The following ARL15 variants were observed in gnomAD, a reference collection of about 807,000 sequenced individuals.
ARL15 encodes ADP-ribosylation factor-like protein 15.
In ARL15, 19 loss-of-function variants were observed where a neutral mutation model predicts 25.2. That is an observed-to-expected ratio of 0.75 (90% confidence interval 0.53 to 1.10). The LOEUF (loss-of-function observed/expected upper bound fraction) is 1.10. Ranked by LOEUF, ARL15 falls within the 50% of genes least tolerant of loss-of-function variation. The pLI is 0.00. For missense variants in ARL15, 220 were observed against 246.0 expected, an observed-to-expected ratio of 0.89 and a Z score of 0.71; for synonymous variants, 94 against 86.8, an observed-to-expected ratio of 1.08 and a Z score of -0.46.
intron 4 of ARL15, among the ~76,000 whole-genome samples, chr5:53,953,360 T>C (rs1747041412): frequency 6.6e-6 from 1 of 152,210 alleles, no homozygotes; most frequent in Admixed American, 6.5e-5. Context: ...TGTTATTTAG[T>C]AGGGAGCTCA....
chr5:54,259,800 T>G (rs1314024091), intron 1 of ARL15, among the ~76,000 whole-genome samples: 4 of 152,226 alleles, frequency 2.6e-5, no homozygotes, highest in Non-Finnish European at 4.4e-5. Flanking sequence ...AGCAAAATTA[T>G]AACATTGCTT....
rs549180355 is a variant in ARL15, at chr5:54,308,088, A to G, written c.48+2344T>C. 3.3e-5 allele frequency: 5 copies of G among 152,364 alleles called. No individual in the cohort carries two copies. The South Asian group carries it at 8.3e-4, about 25-fold the overall frequency. 9.4% of individuals were successfully genotyped at this position (152,364 alleles called of 1,614,324 possible). On this transcript the variant is annotated intron_variant, in intron 1 of 4. Coordinates refer to ENST00000504924, the MANE Select transcript of ARL15 (RefSeq NM_019087.3). Reference sequence around the variant, plus strand: ...ATGCATAAGCAAGCAAGTCAATCCGAAAGACAGGAAGAGAAAAATAATGTG... The same window carrying G: ...ATGCATAAGCAAGCAAGTCAATCCGGAAGACAGGAAGAGAAAAATAATGTG...
chr5:54,067,872 C>T (rs866876922), intron 4 of ARL15, among the ~76,000 whole-genome samples: 2 of 152,166 alleles, frequency 1.3e-5, no homozygotes. Context: ...GTTTCACTCA[C>T]ACATTCATTC....
intron 1 of ARL15, among the ~76,000 whole-genome samples, chr5:54,290,446 T>A (rs1384747575): frequency 6.6e-6 from 1 of 151,928 alleles, no homozygotes; most frequent in Non-Finnish European, 1.5e-5. Context: ...AGCTTGGGAT[T>A]ACAGGTGAGT....
At chr5:54,072,044 G>T (rs1359537668) in intron 4 of ARL15, among the ~76,000 whole-genome samples, 1 of 149,966 alleles carries the variant, frequency 6.7e-6, no homozygotes, top group Non-Finnish European at 1.5e-5. Flanking sequence ...TAATAATAAT[G>T]AAATAGACAT....
Position 54,166,281 on chromosome 5 carries a change from A to G in ARL15, c.193+5503T>C, listed in dbSNP as rs573015792. On this transcript the variant is annotated intron_variant, in intron 2 of 4. Coordinates refer to ENST00000504924, the MANE Select transcript of ARL15 (RefSeq NM_019087.3). ...GTGATCACAGCTCATTGCAGCCTCA[A>G]ACTCCTGGGATCAAGCAATCCTCCT... 6.6e-5 allele frequency among the ~76,000 whole-genome samples: 10 copies of G among 152,048 alleles called. No individual in the cohort carries two copies. In the South Asian group the frequency reaches 2.1e-3, roughly 32 times the overall value.
intron 4 of ARL15, among the ~76,000 whole-genome samples, chr5:53,917,444 A>G (rs1444665202): frequency 4.6e-5 from 7 of 152,104 alleles, no homozygotes; most frequent in Admixed American, 4.6e-4. Context: ...ATGTTCCCTC[A>G]ATCCCTCAAC....
At chr5:54,273,831 G>C (rs1331510550) in intron 1 of ARL15, among the ~76,000 whole-genome samples, 1 of 152,224 alleles carries the variant, frequency 6.6e-6, no homozygotes, top group Admixed American at 6.5e-5. Flanking sequence ...AGAGCCACCA[G>C]ATGCTGGGGG....
intron 4 of ARL15, among the ~76,000 whole-genome samples, chr5:54,000,017 G>A (rs963205180): frequency 1.3e-5 from 2 of 152,180 alleles, no homozygotes; most frequent in Non-Finnish European, 2.9e-5. Context: ...GTTAATAAAA[G>A]GCTTTTGAGA....
chr5:54,195,879 C>T (rs1344817793), intron 1 of ARL15, among the ~76,000 whole-genome samples: 1 of 152,052 alleles, frequency 6.6e-6, no homozygotes, highest in Non-Finnish European at 1.5e-5. Context: ...GGTGACTCAG[C>T]TAATAAGTGA....
chr5:54,228,378 C>G (rs973553129), intron 1 of ARL15, among the ~76,000 whole-genome samples: 3 of 152,096 alleles, frequency 2.0e-5, no homozygotes, highest in African/African-American at 7.2e-5. Context: ...TCTGCATAAA[C>G]CCAGGGGGTA....
chr5:54,296,032 C>T (rs1405628030), intron 1 of ARL15, among the ~76,000 whole-genome samples: 1 of 152,182 alleles, frequency 6.6e-6, no homozygotes, highest in Non-Finnish European at 1.5e-5. Flanking sequence ...TAGGTAACAG[C>T]TGTAAGCATA....
chr5:53,944,484 C>T (rs1210548405), intron 4 of ARL15, among the ~76,000 whole-genome samples: 2 of 151,950 alleles, frequency 1.3e-5, no homozygotes, highest in African/African-American at 2.4e-5. Context: ...TGGTGGCATG[C>T]GGGAGGCTGA....
chr5:53,897,779 C>T (rs749010090), intron 4 of ARL15, among the ~76,000 whole-genome samples: 6 of 152,030 alleles, frequency 3.9e-5, no homozygotes, highest in South Asian at 4.2e-4. Context: ...ATATATAATT[C>T]TCTTTTATAT....
intron 4 of ARL15, among the ~76,000 whole-genome samples, chr5:53,978,883 C>T (rs901702648): frequency 3.3e-5 from 5 of 152,068 alleles, no homozygotes; most frequent in African/African-American, 1.2e-4. Context: ...TGTATTTATA[C>T]AATATATTGA....
chr5:54,002,516 A>G (rs1219157801), intron 4 of ARL15, among the ~76,000 whole-genome samples: 2 of 152,212 alleles, frequency 1.3e-5, no homozygotes, highest in African/African-American at 2.4e-5. Context: ...GACCAAATGT[A>G]CACTGTGTTG....
At chr5:54,005,731 C>T (rs11747901) in intron 4 of ARL15, among the ~76,000 whole-genome samples, 2 of 151,482 alleles carry the variant, frequency 1.3e-5, no homozygotes, top group East Asian at 2.0e-4. Flanking sequence ...GCGTGGTGGC[C>T]GGCGCCTGTA....
rs1335127410 is a variant in ARL15, at chr5:54,298,002, C to T, written c.48+12430G>A. Among the ~76,000 whole-genome samples the T allele has an allele frequency of 3.9e-5, 6 of 152,086 alleles. No individual in the cohort carries two copies. In the South Asian group the frequency reaches 1.2e-3, roughly 32 times the overall value. On this transcript the variant is annotated intron_variant, in intron 1 of 4. Transcript: ENST00000504924. The stretch of plus-strand genomic sequence containing the variant: ...TTCACCGTGTTAGCCAGGATGGTCT[C>T]GATCTCCTGACCTCGTGATCCGCCC...
At chr5:54,025,389 T>C (rs1486601783) in intron 4 of ARL15, among the ~76,000 whole-genome samples, 1 of 152,062 alleles carries the variant, frequency 6.6e-6, no homozygotes, top group African/African-American at 2.4e-5. Flanking sequence ...GGCGATTCTG[T>C]AAGGAAACAG....
Sources: allele counts gnomAD v4.1 joint callset (sites outside exome capture counted in the v4.1 genomes callset), GRCh38; gene constraint gnomAD v4.1.1; transcripts MANE v1.5; gene names NCBI Gene and HGNC (gene_info 2026-07-23, HGNC 2026-07-21).